The following DCAF8L2 variants were observed in gnomAD, a reference collection of about 807,000 sequenced individuals.
DCAF8L2 encodes the protein DDB1- and CUL4-associated factor 8-like protein 2.
For synonymous variants in DCAF8L2, 200 were observed against 190.9 expected (o/e 1.05, Z -0.39); for missense variants, 430 against 490.7 (o/e 0.88, Z 1.17).
the DCAF8L2 span, among the ~76,000 whole-genome samples, chrX:27,470,765 A>G: frequency 8.9e-6 from 1 of 112,033 alleles, no homozygotes; most frequent in African/African-American, 3.2e-5. Context: ...AATTCTTAGT[A>G]CTCATACATA....
intron 1 of DCAF8L2, among the ~76,000 whole-genome samples, chrX:27,614,759 G>A (rs1927375001): frequency 2.7e-5 from 3 of 111,353 alleles, no homozygotes; most frequent in Admixed American, 9.6e-5. Flanking sequence ...GTAGTTGAGC[G>A]GTTTTGAGTG....
the DCAF8L2 span, among the ~76,000 whole-genome samples, chrX:27,473,932 G>A: frequency 9.0e-6 from 1 of 110,699 alleles, no homozygotes. Context: ...GGGAGTCTTT[G>A]CCATTTATTA....
chrX:27,528,476 G>GTGTA, the DCAF8L2 span, among the ~76,000 whole-genome samples: 32 of 83,439 alleles, frequency 3.8e-4, no homozygotes, highest in Admixed American at 2.5e-3. Flanking sequence ...ATGTGTATGT[G>GTGTA]TATATATATA....
chrX:27,484,714 T>C, the DCAF8L2 span, among the ~76,000 whole-genome samples: 1 of 111,506 alleles, frequency 9.0e-6, no homozygotes, highest in Non-Finnish European at 1.9e-5. Flanking sequence ...ATTTCTATAT[T>C]AGGCACACAG....
intron 2 of DCAF8L2, among the ~76,000 whole-genome samples, chrX:27,638,080 G>A (rs781477402): frequency 8.9e-6 from 1 of 112,007 alleles, no homozygotes; most frequent in Non-Finnish European, 1.9e-5. Context: ...AGGTTAGGTA[G>A]GAAAAGTCTT....
At chrX:27,558,157 C>G in the DCAF8L2 span, among the ~76,000 whole-genome samples, 2 of 111,641 alleles carry the variant, frequency 1.8e-5, no homozygotes, top group African/African-American at 6.5e-5. Context: ...ACTGTAAAAA[C>G]TGCCTCTTTA....
chrX:27,712,578 A>G (rs1301928426), intron 3 of DCAF8L2: 1 of 111,499 alleles, frequency 9.0e-6, no homozygotes, highest in Non-Finnish European at 1.9e-5. Flanking sequence ...TCACTTGACT[A>G]CCAGAAACAT....
chrX:27,561,393 C>T, the DCAF8L2 span, among the ~76,000 whole-genome samples: 1 of 112,036 alleles, frequency 8.9e-6, no homozygotes, highest in East Asian at 2.8e-4. Context: ...ATCCTCACCC[C>T]ATTCCAGGAT....
chrX:27,747,115 G>T lies in DCAF8L2; in HGVS notation c.220G>T (p.Asp74Tyr), dbSNP rs772690346. The change falls in exon 5 of 5, where the codon GAC becomes TAC. Residue 74 changes from aspartate to tyrosine, a missense_variant. Transcript: ENST00000451261. ...TGCCAGCACAGAAAATCGAAGCTCA[G>T]ACCAAGAAAGCGCAAGTGAAGACAT... is the stretch of plus-strand genomic sequence containing the variant. ...NDASTENRSS[D>Y]QESASEDIEL... 8.6e-7 allele frequency: 1 copy of T among 1,166,040 alleles called. No homozygotes were observed. Among genetic ancestry groups the T allele is most frequent in the Non-Finnish European group, 1.1e-6 (1 of 872,808 alleles).
chrX:27,601,949 G>A (rs1451077160), intron 1 of DCAF8L2, among the ~76,000 whole-genome samples: 1 of 111,528 alleles, frequency 9.0e-6, no homozygotes, highest in African/African-American at 3.3e-5. Context: ...TTTTTCTAAT[G>A]TTTCTTCCTG....
At chrX:27,702,534 C>T (rs1164330720) in intron 3 of DCAF8L2, among the ~76,000 whole-genome samples, 1 of 109,682 alleles carries the variant, frequency 9.1e-6, no homozygotes, top group Non-Finnish European at 1.9e-5. Flanking sequence ...CCCAAGAATG[C>T]AAGTTTGGTT....
At position 27,677,585 on chromosome X, in the gene DCAF8L2, T is replaced by A. The variant is rs145856464; in HGVS notation, c.-219-251T>A. 6.6e-3 allele frequency among the ~76,000 whole-genome samples: 736 copies of A among 111,164 alleles called. 6 individuals are homozygous for A. The highest frequency in any genetic ancestry group is 0.023 in the Middle Eastern group (5 of 217). ...AAAAACCTAAGGAAGCTTAGTATGATGGGAGATCAGAAAATCAGGCAGGGG... is the reference window on the plus strand; with the variant it reads ...AAAAACCTAAGGAAGCTTAGTATGAAGGGAGATCAGAAAATCAGGCAGGGG... On this transcript the variant is annotated intron_variant, in intron 2 of 4. Coordinates refer to ENST00000451261, the MANE Select transcript of DCAF8L2 (RefSeq NM_001353450.2).
rs1602752364 is a variant in DCAF8L2, at chrX:27,703,127, A to C, written c.-142-12961A>C. On this transcript the variant is annotated intron_variant, in intron 3 of 4. Coordinates refer to ENST00000451261, the MANE Select transcript of DCAF8L2 (RefSeq NM_001353450.2). Reference sequence around the variant, plus strand: ...CAAAATCATATAATTCTTAGGAATAAATTTAACAAAAGAAGTACAAGAATT... The same window carrying C: ...CAAAATCATATAATTCTTAGGAATACATTTAACAAAAGAAGTACAAGAATT... Among the ~76,000 whole-genome samples, 3 of 111,855 alleles carry C rather than the reference A, an allele frequency of 2.7e-5. No homozygotes were observed. The East Asian group carries it at 8.4e-4, about 31-fold the overall frequency.
chrX:27,497,549 C>CTTCCTTCT, the DCAF8L2 span, among the ~76,000 whole-genome samples: 146 of 64,404 alleles, frequency 2.3e-3, 1 homozygote, highest in Non-Finnish European at 3.0e-3. Flanking sequence ...TCCTTCCTTC[C>CTTCCTTCT]TTCTTTCTTT....
chrX:27,695,236 C>T (rs1203805494), intron 3 of DCAF8L2, among the ~76,000 whole-genome samples: 1 of 111,982 alleles, frequency 8.9e-6, no homozygotes, highest in African/African-American at 3.2e-5. Flanking sequence ...ATTCTGTGTT[C>T]TGTTAAGAGA....
At chrX:27,733,058 C>T (rs754299796) in intron 4 of DCAF8L2, among the ~76,000 whole-genome samples, 22 of 110,531 alleles carry the variant, frequency 2.0e-4, no homozygotes, top group African/African-American at 6.6e-4. Context: ...TGGGTTTCAC[C>T]GTGTTAGCCA....
intron 3 of DCAF8L2, among the ~76,000 whole-genome samples, chrX:27,708,808 T>C (rs767587214): frequency 1.8e-5 from 2 of 112,720 alleles, no homozygotes; most frequent in Non-Finnish European, 3.7e-5. Context: ...TCAAGTAGCA[T>C]TTCTTTCTAC....
At chrX:27,541,129 T>C in the DCAF8L2 span, among the ~76,000 whole-genome samples, 1 of 111,164 alleles carries the variant, frequency 9.0e-6, no homozygotes, top group Admixed American at 9.6e-5. Context: ...CAAGTTTATT[T>C]AATGTGTATA....
chrX:27,599,513 C>T (rs749942171), intron 1 of DCAF8L2, among the ~76,000 whole-genome samples: 7 of 111,372 alleles, frequency 6.3e-5, no homozygotes, highest in Admixed American at 4.8e-4. Flanking sequence ...GAGGGTAGAT[C>T]TCCTGTTAGG....
Sources: allele counts gnomAD v4.1 joint callset (sites outside exome capture counted in the v4.1 genomes callset), GRCh38; gene constraint gnomAD v4.1.1; transcripts MANE v1.5; gene names NCBI Gene and HGNC (gene_info 2026-07-23, HGNC 2026-07-21).